Variants in CADM2 observed in about 807,000 individuals in gnomAD.
CADM2 encodes the protein cell adhesion molecule 2.
A neutral mutation model predicts 49.8 loss-of-function variants in CADM2; 12 were observed. That is an observed-to-expected ratio of 0.24 (90% CI 0.15 to 0.39). The LOEUF (loss-of-function observed/expected upper bound fraction) is 0.39, where lower values mean the gene tolerates loss of function less well. Among genes scored for constraint, CADM2 ranks in the 10% least tolerant of loss-of-function variants. The pLI is 1.00. For synonymous variants in CADM2, 214 were observed against 175.4 expected, an observed-to-expected ratio of 1.22 and a Z score of -1.74; for missense variants, 378 against 492.3, an observed-to-expected ratio of 0.77 and a Z score of 2.20.
At chr3:85,907,447 G>C (rs1716949396) in intron 5 of CADM2, among the ~76,000 whole-genome samples, 1 of 152,142 alleles carries the variant, frequency 6.6e-6, no homozygotes, top group Non-Finnish European at 1.5e-5. Context: ...TGATTCCTAA[G>C]AGATACCTTC....
intron 1 of CADM2, among the ~76,000 whole-genome samples, chr3:85,099,400 A>T (rs2037926185): frequency 6.6e-6 from 1 of 152,182 alleles, no homozygotes; most frequent in African/African-American, 2.4e-5. Context: ...ATAAAAGGAA[A>T]CATATGAGAC....
chr3:85,007,476 C>A (rs2033788812), intron 1 of CADM2, among the ~76,000 whole-genome samples: 1 of 152,054 alleles, frequency 6.6e-6, no homozygotes, highest in Admixed American at 6.6e-5. Context: ...TCTCAACCAA[C>A]CCCTGGTCTA....
chr3:85,503,911 G>A (rs142352653), intron 1 of CADM2, among the ~76,000 whole-genome samples: 1 of 152,172 alleles, frequency 6.6e-6, no homozygotes, highest in African/African-American at 2.4e-5. Flanking sequence ...AATGTATTAC[G>A]TGTGAATAAG....
chr3:85,142,342 C>T (rs1442569796), intron 1 of CADM2, among the ~76,000 whole-genome samples: 1 of 152,142 alleles, frequency 6.6e-6, no homozygotes, highest in Non-Finnish European at 1.5e-5. Flanking sequence ...TAAAATACGT[C>T]ATATCTTGAT....
intron 8 of CADM2, chr3:86,013,429 C>A (rs555147905): frequency 6.4e-7 from 1 of 1,568,388 alleles, no homozygotes; most frequent in African/African-American, 1.4e-5. Flanking sequence ...GGTCTCTTTA[C>A]CCTAGATAAC....
At chr3:86,013,443 C>A in intron 8 of CADM2, 4 of 1,581,726 alleles carry the variant, frequency 2.5e-6, no homozygotes, top group Non-Finnish European at 3.5e-6. Flanking sequence ...AGATAACTTT[C>A]AAGCACTGCT....
chr3:85,782,640 A>G (rs1175449202), intron 2 of CADM2, among the ~76,000 whole-genome samples: 2 of 151,344 alleles, frequency 1.3e-5, no homozygotes. Context: ...TGGGCGACAG[A>G]ATGAGACTCA....
intron 1 of CADM2, among the ~76,000 whole-genome samples, chr3:85,133,272 G>C (rs113091113): frequency 0.1 from 15,900 of 152,158 alleles, 1,798 homozygotes; most frequent in African/African-American, 0.28. Context: ...CTCGGGCAGC[G>C]TGCTTTTATT....
At position 85,903,841 on chromosome 3, in the gene CADM2, A is replaced by G. The variant is rs555376645; in HGVS notation, c.530-8532A>G. ...TTGCCCTACTGTTTTCAATAATGCT[A>G]TGTGCATAAGTTGTTCTATAGCTTG... On this transcript the variant is annotated intron_variant, in intron 5 of 9. Transcript: ENST00000383699. 2.0e-4 allele frequency among the ~76,000 whole-genome samples: 31 copies of G among 152,180 alleles called. No homozygotes were observed. In the South Asian group the frequency reaches 5.6e-3, roughly 27 times the overall value.
intron 1 of CADM2, among the ~76,000 whole-genome samples, chr3:85,424,784 TG>T (rs1368946208): frequency 6.6e-6 from 1 of 152,226 alleles, no homozygotes; most frequent in Non-Finnish European, 1.5e-5. Context: ...TTATCATTTT[TG>T]TGACTAAATT....
intron 1 of CADM2, among the ~76,000 whole-genome samples, chr3:85,654,995 T>C (rs2065154303): frequency 6.6e-6 from 1 of 152,178 alleles, no homozygotes; most frequent in Non-Finnish European, 1.5e-5. Context: ...ATTAAATCAG[T>C]TAACAAAGTG....
At chr3:85,828,114 C>T (rs2074008524) in intron 3 of CADM2, 1 of 151,860 alleles carries the variant, frequency 6.6e-6, no homozygotes. Context: ...TATTACAATG[C>T]AAGAAGAGGA....
At chr3:85,856,134 C>T (rs2075309255) in intron 3 of CADM2, among the ~76,000 whole-genome samples, 1 of 152,094 alleles carries the variant, frequency 6.6e-6, no homozygotes, top group South Asian at 2.1e-4. Flanking sequence ...CAGTATAAAG[C>T]TTGTGTAGTT....
chr3:85,579,291 T>TTACTCTAG (rs1227762554), intron 1 of CADM2, among the ~76,000 whole-genome samples: 1 of 152,180 alleles, frequency 6.6e-6, no homozygotes, highest in Non-Finnish European at 1.5e-5. Flanking sequence ...TGCAGGTGAT[T>TTACTCTAG]GAATCCCAGG....
chr3:85,290,196 G>A (rs558461726), intron 1 of CADM2, among the ~76,000 whole-genome samples: 2 of 152,228 alleles, frequency 1.3e-5, no homozygotes, highest in East Asian at 3.9e-4. Context: ...CTGGAAAATC[G>A]GGTCACTCCC....
intron 1 of CADM2, among the ~76,000 whole-genome samples, chr3:85,184,762 G>A (rs1475174847): frequency 6.6e-6 from 1 of 152,078 alleles, no homozygotes; most frequent in Non-Finnish European, 1.5e-5. Context: ...GTATAGATAG[G>A]AGTGCATTGC....
intron 1 of CADM2, among the ~76,000 whole-genome samples, chr3:85,321,377 G>A (rs1340443468): frequency 6.6e-6 from 1 of 150,790 alleles, no homozygotes; most frequent in Non-Finnish European, 1.5e-5. Context: ...TAGACATAGG[G>A]TTTCGTCATG....
At chr3:85,203,509 A>G (rs916151600) in intron 1 of CADM2, among the ~76,000 whole-genome samples, 1 of 152,208 alleles carries the variant, frequency 6.6e-6, no homozygotes, top group African/African-American at 2.4e-5. Context: ...AAAAGTTACA[A>G]TAATAACATC....
chr3:85,753,532 C>A (rs533433439), intron 2 of CADM2, among the ~76,000 whole-genome samples: 1 of 149,720 alleles, frequency 6.7e-6, no homozygotes, highest in East Asian at 2.0e-4. Context: ...CATACACACA[C>A]ACTGTACACA....
Sources: gnomAD v4.1 joint callset for allele counts (sites outside exome capture counted in the v4.1 genomes callset) on GRCh38, gnomAD v4.1.1 for gene constraint, MANE v1.5 for transcripts, NCBI Gene and HGNC (gene_info 2026-07-23, HGNC 2026-07-21) for gene names.